WIPI1: variants seen among roughly 807,000 people sequenced by gnomAD.
WIPI1 encodes WD repeat domain phosphoinositide-interacting protein 1.
A neutral mutation model predicts 55.3 loss-of-function variants in WIPI1; 45 were observed. The observed-to-expected ratio is 0.81, with a 90% CI of 0.64 to 1.04. WIPI1 has a LOEUF of 1.04. Among genes scored for constraint, WIPI1 ranks in the 50% least tolerant of loss-of-function variants. The probability of loss-of-function intolerance (pLI) is 0.00; values close to 1 mark genes in which losing one functional copy is unlikely to be tolerated. For synonymous variants in WIPI1, 195 were observed against 217.6 expected (o/e 0.90, Z 0.92); for missense variants, 445 against 559.0 (o/e 0.80, Z 2.06).
chr17:68,437,782 G>GT, intron 4 of WIPI1, among the ~76,000 whole-genome samples: 1 of 151,884 alleles, frequency 6.6e-6, no homozygotes, highest in Non-Finnish European at 1.5e-5. Context: ...AACATAAGCT[G>GT]TTTTTATTTA....
intron 3 of WIPI1, 100 bp from the exon 4 acceptor site, chr17:68,444,689 T>A: frequency 2.1e-6 from 2 of 969,214 alleles, no homozygotes; most frequent in South Asian, 1.7e-5. Context: ...AACTTGATTC[T>A]AAGCCTAAAG....
At chr17:68,450,674 T>C in intron 3 of WIPI1, 54 bp downstream of exon 3, 1 of 1,544,476 alleles carries the variant, frequency 6.5e-7, no homozygotes, top group African/African-American at 1.4e-5. Flanking sequence ...TCCATCTTTT[T>C]GTTTGGCTCC....
intron 12 of WIPI1, chr17:68,424,460 T>C (rs1431850778): frequency 1.9e-6 from 1 of 534,752 alleles, no homozygotes; most frequent in South Asian, 1.4e-5. Context: ...AATTGGAAGC[T>C]CAATGGACAC....
At chr17:68,426,235 T>TGCCG in intron 11 of WIPI1, 60 bp from the exon 12 acceptor site, 1 of 652,396 alleles carries the variant, frequency 1.5e-6, no homozygotes, top group Non-Finnish European at 2.2e-6. Flanking sequence ...TGCCATGACC[T>TGCCG]GGCGGGTGGG....
chr17:68,453,675 C>T (rs951717381), intron 1 of WIPI1, among the ~76,000 whole-genome samples: 5 of 152,188 alleles, frequency 3.3e-5, no homozygotes, highest in African/African-American at 1.2e-4. Flanking sequence ...GACAGGGTTT[C>T]ACCATGTTGA....
chr17:68,457,277 A>G (rs1886859624), intron 1 of WIPI1, 65 bp downstream of exon 1: 1 of 1,521,774 alleles, frequency 6.6e-7, no homozygotes, highest in South Asian at 1.2e-5. Flanking sequence ...TGCTCTCAGG[A>G]CGACACCCCT....
intron 3 of WIPI1, among the ~76,000 whole-genome samples, chr17:68,446,802 G>C (rs1039042522): frequency 8.5e-5 from 13 of 152,166 alleles, no homozygotes; most frequent in African/African-American, 3.1e-4. Flanking sequence ...GATCTGATCT[G>C]CATTTTTTTC....
chr17:68,452,841 C>G (rs2084545304), intron 2 of WIPI1, 69 bp downstream of exon 2: 1 of 1,428,674 alleles, frequency 7.0e-7, no homozygotes, highest in Non-Finnish European at 9.8e-7. Context: ...GGTAGCACCG[C>G]AGATTAAAGC....
intron 2 of WIPI1, 120 bp downstream of exon 2, chr17:68,452,790 C>T: frequency 1.3e-6 from 1 of 793,910 alleles, no homozygotes; most frequent in African/African-American, 1.7e-5. Context: ...AATCTTGACT[C>T]CCTAAGTTTG....
chr17:68,440,991 A>T (rs1297713343), intron 4 of WIPI1: 1 of 152,242 alleles, frequency 6.6e-6, no homozygotes, highest in Non-Finnish European at 1.5e-5. Flanking sequence ...ATTTTCAAAC[A>T]AGAAAGAGGT....
At chr17:68,455,800 T>C (rs2084633098) in intron 1 of WIPI1, among the ~76,000 whole-genome samples, 1 of 152,240 alleles carries the variant, frequency 6.6e-6, no homozygotes, top group African/African-American at 2.4e-5. Flanking sequence ...AACACCCTTT[T>C]TTGTCAAATC....
chr17:68,449,412 C>T (rs1000074772), intron 3 of WIPI1, among the ~76,000 whole-genome samples: 1 of 152,146 alleles, frequency 6.6e-6, no homozygotes, highest in African/African-American at 2.4e-5. Flanking sequence ...GATCCTTGAG[C>T]CCAGGAGTTT....
chr17:68,428,796 G>A (rs560374297), intron 10 of WIPI1, 33 bp downstream of exon 10: 6 of 1,548,542 alleles, frequency 3.9e-6, no homozygotes, highest in South Asian at 3.4e-5. Context: ...ACCAGCTCTC[G>A]AAAGGCTGTC....
chr17:68,452,192 C>T (rs866347566), intron 2 of WIPI1, among the ~76,000 whole-genome samples: 5 of 152,166 alleles, frequency 3.3e-5, no homozygotes, highest in Admixed American at 1.3e-4. Flanking sequence ...AATAGGATAC[C>T]GTTGCCTTCT....
chr17:68,429,941 A>G lies in WIPI1; in HGVS notation c.965+55T>C, dbSNP rs1264106040. On this transcript the variant is annotated intron_variant, in intron 9 of 12. Coordinates refer to ENST00000262139, the MANE Select transcript of WIPI1 (RefSeq NM_017983.7). ...AGGTTTGGGGATTTTTGTGCTTTGG[A>G]AAAATACATTGACGAAAGTGTGGTC... 8 of 1,607,388 alleles carry G rather than the reference A, an allele frequency of 5.0e-6. No homozygotes were observed. In the Admixed American group the frequency reaches 6.9e-5, roughly 14 times the overall value.
In WIPI1 at chr17:68,452,900, A is replaced by G. The variant is rs200788429; in HGVS notation, c.163+10T>C. The G allele has an allele frequency of 6.2e-7, 1 of 1,613,154 alleles. No individual in the cohort carries two copies. The highest frequency in any genetic ancestry group is 8.5e-7 in the Non-Finnish European group (1 of 1,179,688). ...TGCAGATCCCTGAGGTCTCTCTCAC[A>G]CACACTTACTGCTTCCGTGGACTTG... On this transcript the variant is annotated intron_variant, in intron 2 of 12. Coordinates refer to ENST00000262139, the MANE Select transcript of WIPI1 (RefSeq NM_017983.7).
At chr17:68,445,414 C>T (rs188787257) in intron 3 of WIPI1, among the ~76,000 whole-genome samples, 1 of 152,264 alleles carries the variant, frequency 6.6e-6, no homozygotes, top group East Asian at 1.9e-4. Flanking sequence ...TGAATAATTA[C>T]CAGCTCTAAC....
At position 68,434,559 on chromosome 17, in the gene WIPI1, T is replaced by A. The variant is rs777760159; in HGVS notation, c.689A>T (p.Lys230Ile). 1.2e-6 allele frequency: 2 copies of A among 1,613,906 alleles called. No individual in the cohort carries two copies. Among genetic ancestry groups the A allele is most frequent in the East Asian group, 4.5e-5 (2 of 44,846 alleles). ...GGGTTTGACATTGAACACAGACCTTTTCATCCCTCTCCGGAACTCATAGAG... is the reference window on the plus strand; with the variant it reads ...GGGTTTGACATTGAACACAGACCTTATCATCCCTCTCCGGAACTCATAGAG... ...QKLYEFRRGM[K>I]RYVTISSLVF... Residue 230 changes from lysine (K) to isoleucine (I), a missense_variant, in exon 7 of 13, where the codon AAA becomes ATA. Lys to Ile is a moderately radical substitution (Grantham distance 102). Transcript: ENST00000262139.
chr17:68,438,683 C>T (rs2083938690), intron 4 of WIPI1, among the ~76,000 whole-genome samples: 1 of 152,212 alleles, frequency 6.6e-6, no homozygotes, highest in African/African-American at 2.4e-5. Flanking sequence ...TCACTGCAAC[C>T]TCCGCCTCTT....
Sources: gnomAD v4.1 joint callset for allele counts (sites outside exome capture counted in the v4.1 genomes callset) on GRCh38, gnomAD v4.1.1 for gene constraint, MANE v1.5 for transcripts, NCBI Gene and HGNC (gene_info 2026-07-23, HGNC 2026-07-21) for gene names.